Variants in DTNA observed in about 807,000 individuals in gnomAD.
DTNA encodes the protein dystrobrevin alpha, also known as dystrophin-related protein 3.
A neutral mutation model predicts 100.7 loss-of-function variants in DTNA; 43 were observed. The observed-to-expected ratio is 0.43, with a 90% confidence interval of 0.33 to 0.55. The LOEUF is 0.55. Among genes scored for constraint, DTNA ranks in the 20% least tolerant of loss-of-function variants. The pLI is 0.04. For synonymous variants in DTNA, 349 were observed against 347.9 expected, an observed-to-expected ratio of 1.00 and a Z score of -0.04; for missense variants, 798 against 953.9, an observed-to-expected ratio of 0.84 and a Z score of 2.15.
intron 1 of DTNA, among the ~76,000 whole-genome samples, chr18:34,719,892 T>G (rs777948970): frequency 2.6e-5 from 4 of 152,190 alleles, no homozygotes; most frequent in Non-Finnish European, 5.9e-5. Flanking sequence ...CATTGAAATG[T>G]TCTATATACT....
chr18:34,536,839 G>A (rs2043764246), intron 1 of DTNA, among the ~76,000 whole-genome samples: 1 of 151,858 alleles, frequency 6.6e-6, no homozygotes, highest in African/African-American at 2.4e-5. Context: ...TTATGAAAAA[G>A]TGGCCAAATA....
intron 1 of DTNA, among the ~76,000 whole-genome samples, chr18:34,636,308 T>G (rs1433972659): frequency 6.6e-6 from 1 of 151,948 alleles, no homozygotes; most frequent in African/African-American, 2.4e-5. Context: ...AGAGACAGGG[T>G]TTCACCACAT....
chr18:34,700,228 C>T (rs1388549173), intron 1 of DTNA, among the ~76,000 whole-genome samples: 1 of 152,192 alleles, frequency 6.6e-6, no homozygotes, highest in Admixed American at 6.5e-5. Flanking sequence ...TCAATACCCT[C>T]ATCATATCCA....
chr18:34,868,077 A>G, intron 17 of DTNA: 1 of 888,690 alleles, frequency 1.1e-6, no homozygotes, highest in Non-Finnish European at 1.3e-6. Context: ...AGAAAAATCA[A>G]AAACTAAAGA....
upstream of DTNA, among the ~76,000 whole-genome samples, chr18:34,710,117 G>A (rs548251755): frequency 2.6e-5 from 4 of 152,210 alleles, 1 homozygote; most frequent in African/African-American, 9.6e-5. Context: ...GTCAGCAAGA[G>A]AAGCATATTC....
intron 1 of DTNA, among the ~76,000 whole-genome samples, chr18:34,592,505 C>CACACACAT (rs3223433): frequency 7.0e-6 from 1 of 143,050 alleles, no homozygotes; most frequent in Non-Finnish European, 1.6e-5. Flanking sequence ...CACACACACA[C>CACACACAT]ATTTTGTTTT....
At chr18:34,769,677 T>C (rs2148565649) in intron 3 of DTNA, among the ~76,000 whole-genome samples, 1 of 150,704 alleles carries the variant, frequency 6.6e-6, no homozygotes, top group Admixed American at 6.7e-5. Flanking sequence ...GGTGGCCCCT[T>C]TTCACTGTGT....
chr18:34,619,280 T>C (rs8083663), intron 1 of DTNA, among the ~76,000 whole-genome samples: 3,354 of 152,220 alleles, frequency 0.022, 112 homozygotes, highest in African/African-American at 0.076. Context: ...TTAACATTTA[T>C]ACTGGGTCAG....
intron 1 of DTNA, among the ~76,000 whole-genome samples, chr18:34,636,557 CTCA>C (rs2058688183): frequency 6.6e-6 from 1 of 152,194 alleles, no homozygotes; most frequent in Non-Finnish European, 1.5e-5. Flanking sequence ...GAAAGTTTTA[CTCA>C]TCATTGTTCT....
chr18:34,790,946 C>G (rs1031986235), intron 3 of DTNA, among the ~76,000 whole-genome samples: 3 of 152,010 alleles, frequency 2.0e-5, no homozygotes, highest in African/African-American at 7.3e-5. Flanking sequence ...AGTAAATCTC[C>G]CTGGAGGGAG....
At chr18:34,742,582 G>A (rs1026807) in intron 1 of DTNA, among the ~76,000 whole-genome samples, 151,218 of 151,930 alleles carry the variant, frequency 1, 75,261 homozygotes, top group Middle Eastern at 1. Flanking sequence ...TCAAGATAAC[G>A]TATTCACAAA....
intron 1 of DTNA, among the ~76,000 whole-genome samples, chr18:34,729,836 A>C (rs1157537348): frequency 6.6e-6 from 1 of 151,592 alleles, no homozygotes; most frequent in East Asian, 1.9e-4. Context: ...CCCCAACCAA[A>C]GCAGACAATC....
At chr18:34,843,270 C>A (rs929635495) in intron 13 of DTNA, among the ~76,000 whole-genome samples, 3 of 152,012 alleles carry the variant, frequency 2.0e-5, no homozygotes, top group Non-Finnish European at 4.4e-5. Flanking sequence ...AAGATAAGCA[C>A]CAGCAATTCA....
At chr18:34,826,901 C>T (rs2095871082) in intron 9 of DTNA, among the ~76,000 whole-genome samples, 1 of 152,148 alleles carries the variant, frequency 6.6e-6, no homozygotes, top group African/African-American at 2.4e-5. Flanking sequence ...AGACTCCATG[C>T]AGTTGGTGTG....
chr18:34,866,880 T>G (rs1183452214), intron 17 of DTNA: 76 of 1,078,774 alleles, frequency 7.0e-5, no homozygotes, highest in Non-Finnish European at 8.5e-5. Context: ...ACATACTTTT[T>G]TTTTTTTCTG....
intron 1 of DTNA, among the ~76,000 whole-genome samples, chr18:34,499,252 A>G (rs888499606): frequency 6.6e-6 from 1 of 152,188 alleles, no homozygotes; most frequent in Admixed American, 6.5e-5. Context: ...AACTTTTGGG[A>G]TTGGTTTTTC....
chr18:34,689,612 G>T (rs1351160593), intron 1 of DTNA, among the ~76,000 whole-genome samples: 2 of 152,206 alleles, frequency 1.3e-5, no homozygotes, highest in African/African-American at 4.8e-5. Context: ...CCCATCAGGA[G>T]GCATGGGTGT....
At chr18:34,552,566 C>A (rs574261322) in intron 1 of DTNA, among the ~76,000 whole-genome samples, 2 of 135,136 alleles carry the variant, frequency 1.5e-5, no homozygotes, top group African/African-American at 2.7e-5. Context: ...GTGTGATATT[C>A]CCCTTCCTGT....
chr18:34,753,452 G>A (rs1472921146), intron 1 of DTNA, among the ~76,000 whole-genome samples: 5 of 135,130 alleles, frequency 3.7e-5, no homozygotes, highest in Admixed American at 7.2e-5. Context: ...GCGGGATCTC[G>A]GCTCACTGCA....
Sources: allele counts gnomAD v4.1 joint callset (sites outside exome capture counted in the v4.1 genomes callset), GRCh38; gene constraint gnomAD v4.1.1; transcripts MANE v1.5; gene names NCBI Gene and HGNC (gene_info 2026-07-23, HGNC 2026-07-21).